Variants in NTRK3 observed in about 807,000 individuals in gnomAD.
NTRK3 encodes the protein NT-3 growth factor receptor.
A neutral mutation model predicts 91.7 loss-of-function variants in NTRK3; 24 were observed. The observed-to-expected ratio is 0.26, with a 90% CI of 0.19 to 0.37. The LOEUF (loss-of-function observed/expected upper bound fraction) is 0.37. Ranked by LOEUF, NTRK3 falls within the 10% of genes least tolerant of loss-of-function variation. The pLI is 1.00. For missense variants in NTRK3, 880 were observed against 1,068.9 expected, an observed-to-expected ratio of 0.82 and a Z score of 2.46; for synonymous variants, 483 against 404.0, an observed-to-expected ratio of 1.20 and a Z score of -2.34.
chr15:88,181,443 G>T (rs1367225947), intron 5 of NTRK3, among the ~76,000 whole-genome samples: 1 of 152,152 alleles, frequency 6.6e-6, no homozygotes, highest in Non-Finnish European at 1.5e-5. Flanking sequence ...TGCAGCCCAA[G>T]ATGTAACCCT....
At chr15:88,129,315 T>A (rs531274224) in intron 10 of NTRK3, among the ~76,000 whole-genome samples, 2 of 152,352 alleles carry the variant, frequency 1.3e-5, no homozygotes, top group African/African-American at 4.8e-5. Context: ...TGCACATTGA[T>A]TATAAGCGAG....
intron 3 of NTRK3, among the ~76,000 whole-genome samples, chr15:88,238,391 T>C (rs1457508940): frequency 1.3e-5 from 2 of 152,168 alleles, no homozygotes; most frequent in Non-Finnish European, 2.9e-5. Context: ...GTATTGAATA[T>C]TTTATCTACT....
chr15:88,099,098 GGT>G (rs112803161), intron 13 of NTRK3: 2,822 of 230,834 alleles, frequency 0.012, 57 homozygotes, highest in African/African-American at 0.053. Context: ...TGTAGTGGGT[GGT>G]GTGTAAGCCT....
intron 3 of NTRK3, among the ~76,000 whole-genome samples, chr15:88,188,017 T>C (rs931269770): frequency 4.0e-5 from 6 of 151,702 alleles, no homozygotes; most frequent in African/African-American, 1.5e-4. Flanking sequence ...CGGTGACTGG[T>C]TTCCCTGTTC....
At chr15:87,861,093 C>G (rs1008338026) in exon 19 of NTRK3, 5 of 226,788 alleles carry the variant, frequency 2.2e-5, no homozygotes, top group African/African-American at 1.1e-4. Context: ...GCCAAACATA[C>G]CATTGTTCAG....
chr15:88,056,202 ATTTTTT>A (rs59829232), intron 13 of NTRK3, among the ~76,000 whole-genome samples: 79 of 104,850 alleles, frequency 7.5e-4, no homozygotes, highest in African/African-American at 2.4e-3. Context: ...ATATATATAT[ATTTTTT>A]TTTTAATGTA....
chr15:87,952,285 AAAAG>A (rs1340320349), intron 14 of NTRK3, among the ~76,000 whole-genome samples: 3 of 151,660 alleles, frequency 2.0e-5, no homozygotes, highest in African/African-American at 7.2e-5. Context: ...AGAAAGAAAG[AAAAG>A]AAAGACTCCT....
At chr15:88,181,333 C>A (rs2046436984) in intron 5 of NTRK3, among the ~76,000 whole-genome samples, 1 of 152,090 alleles carries the variant, frequency 6.6e-6, no homozygotes, top group African/African-American at 2.4e-5. Flanking sequence ...CTCAGCAGAC[C>A]CCATATCATT....
intron 3 of NTRK3, among the ~76,000 whole-genome samples, chr15:88,228,548 A>T (rs2050881770): frequency 6.6e-6 from 1 of 152,080 alleles, no homozygotes; most frequent in South Asian, 2.1e-4. Flanking sequence ...GTCAGTTGTG[A>T]CCCACCACTC....
intron 13 of NTRK3, among the ~76,000 whole-genome samples, chr15:88,090,920 G>A (rs2048956113): frequency 1.3e-5 from 2 of 152,134 alleles, no homozygotes; most frequent in Non-Finnish European, 2.9e-5. Context: ...TGGGAACCTG[G>A]TGCACGGCCA....
rs113415137 is a variant in NTRK3 at position 88,221,182 on chromosome 15, A to G, written c.248+34724T>C. ...ATTGTGGAAAGTCTGGAAAAACTGAAAACATATAAAGAAAAGTAAAGTCAC... is the reference window on the plus strand; with the variant it reads ...ATTGTGGAAAGTCTGGAAAAACTGAGAACATATAAAGAAAAGTAAAGTCAC... On this transcript the variant is annotated intron_variant, in intron 3 of 18. Coordinates refer to ENST00000394480, the Ensembl canonical transcript of NTRK3. 2.8e-3 allele frequency among the ~76,000 whole-genome samples: 426 copies of G among 152,352 alleles called. 2 individuals carry two copies. The highest frequency in any genetic ancestry group is 9.8e-3 in the African/African-American group (409 of 41,590).
intron 3 of NTRK3, among the ~76,000 whole-genome samples, chr15:88,185,874 C>A (rs2046902315): frequency 6.6e-6 from 1 of 152,196 alleles, no homozygotes; most frequent in African/African-American, 2.4e-5. Context: ...TGCTGAGAAC[C>A]TGTTTTGTAC....
chr15:88,212,034 T>C (rs941840236), intron 3 of NTRK3, among the ~76,000 whole-genome samples: 5 of 152,150 alleles, frequency 3.3e-5, no homozygotes, highest in African/African-American at 1.2e-4. Flanking sequence ...ATGAATCAAA[T>C]GTGAAGAATC....
At chr15:87,975,779 G>A (rs578097216) in intron 14 of NTRK3, among the ~76,000 whole-genome samples, 53 of 152,212 alleles carry the variant, frequency 3.5e-4, no homozygotes, top group South Asian at 1.7e-3. Context: ...TCTCTTCCCC[G>A]TCAATTCAGA....
chr15:88,168,298 C>A (rs116566389), intron 5 of NTRK3, among the ~76,000 whole-genome samples: 1 of 151,840 alleles, frequency 6.6e-6, no homozygotes, highest in South Asian at 2.1e-4. Context: ...GGGGGTCTTC[C>A]AGAGATTTCT....
intron 14 of NTRK3, among the ~76,000 whole-genome samples, chr15:87,960,063 C>T (rs1022980537): frequency 3.9e-5 from 6 of 152,254 alleles, no homozygotes; most frequent in Admixed American, 2.0e-4. Context: ...CAGTTGAGTT[C>T]AGCCAAAACT....
chr15:88,174,965 A>C (rs1385865747), intron 5 of NTRK3, among the ~76,000 whole-genome samples: 1 of 152,172 alleles, frequency 6.6e-6, no homozygotes, highest in East Asian at 1.9e-4. Flanking sequence ...CTTATACTTA[A>C]ATTAGAGGAG....
chr15:88,221,711 C>A (rs1022400637), intron 3 of NTRK3, among the ~76,000 whole-genome samples: 5 of 152,204 alleles, frequency 3.3e-5, no homozygotes, highest in Non-Finnish European at 5.9e-5. Flanking sequence ...ACAGAGAGTG[C>A]AGGCCAGGGA....
At chr15:87,877,196 C>T (rs2141440189) in intron 18 of NTRK3, 76 bp from the exon 20 acceptor site, 1 of 1,467,058 alleles carries the variant, frequency 6.8e-7, no homozygotes, top group Non-Finnish European at 9.4e-7. Context: ...CGGCAAAAAG[C>T]AACAACTTCC....
Sources: allele counts gnomAD v4.1 joint callset (sites outside exome capture counted in the v4.1 genomes callset), GRCh38; gene constraint gnomAD v4.1.1; transcripts MANE v1.5; gene names NCBI Gene and HGNC (gene_info 2026-07-23, HGNC 2026-07-21).